CDC25B: variants seen among roughly 807,000 people sequenced by gnomAD.
The protein encoded by CDC25B is cell division cycle 25B.
CDC25B carries 33 observed loss-of-function variants against 69.8 expected under a neutral mutation model. That is an observed-to-expected ratio of 0.47 (90% CI 0.36 to 0.63). CDC25B has a LOEUF of 0.63. Ranked by LOEUF, CDC25B falls within the 30% of genes least tolerant of loss-of-function variation. The probability of loss-of-function intolerance (pLI) is 0.00; values close to 1 mark genes in which losing one functional copy is unlikely to be tolerated. For synonymous variants in CDC25B, 341 were observed against 314.6 expected (o/e 1.08, Z -0.89); for missense variants, 727 against 809.1 (o/e 0.90, Z 1.23).
chr20:3,802,312 G>A lies in CDC25B; in HGVS notation c.1130G>A (p.Cys377Tyr), dbSNP rs756139248. ...KARVLRSKSL[C>Y]HDEIENLLDS... ...CGCGTCCTCCGCTCAAAATCACTGT[G>A]TCACGATGAGATCGAGAACCTCCTG... The change falls in exon 11 of 16, where the codon TGT becomes TAT. Residue 377 changes from cysteine to tyrosine, a missense_variant. Cys to Tyr is a radical substitution (Grantham distance 194). Around this residue, in one of 2 missense-constraint regions of CDC25B, gnomAD observed 359 missense variants for 463.4 expected, o/e 0.77. Transcript: ENST00000245960. The A allele has an allele frequency of 1.2e-6, 2 of 1,610,602 alleles. No homozygotes were observed. Among genetic ancestry groups the A allele is most frequent in the South Asian group, 1.1e-5 (1 of 91,072 alleles).
chr20:3,801,334 G>A lies in CDC25B; in HGVS notation c.786G>A (p.Glu262=). 6.2e-7 allele frequency: 1 copy of A among 1,614,094 alleles called. No homozygotes were observed. The highest frequency in any genetic ancestry group is 1.6e-4 in the Middle Eastern group (1 of 6,062). ...ALGRFSLTPA[E]GDTEEDDGFV... is the part of the protein sequence containing the mutation. ...GTCGCTTCTCTCTGACCCCTGCAGA[G>A]GGGGATACTGAGGAAGATGATGGAT... is the stretch of plus-strand genomic sequence containing the variant. The change falls in exon 8 of 16, where the codon GAG becomes GAA. Residue 262 remains glutamate (E), a synonymous_variant. Transcript: ENST00000245960.
At chr20:3,793,559 T>TG (rs1350594921), upstream of CDC25B, among the ~76,000 whole-genome samples, 29 of 141,880 alleles carry the variant, frequency 2.0e-4, no homozygotes, top group East Asian at 2.8e-3. Context: ...TTTTTTTTTT[T>TG]TTGGTTTTAG....
rs935318533 is a variant in CDC25B at position 3,805,545 on chromosome 20, C to T, written c.*584C>T. The stretch of plus-strand genomic sequence containing the variant: ...CTTACTCTTTCCTATTTCAGTGTTA[C>T]CTGTGTGCTTGGTCTGTTTGACTTT... On this transcript the variant is annotated 3_prime_UTR_variant, in exon 16 of 16. Coordinates refer to ENST00000245960, the MANE Select transcript of CDC25B (RefSeq NM_021873.4). 1.3e-5 allele frequency: 5 copies of T among 385,250 alleles called. No homozygotes were observed. Among genetic ancestry groups the T allele is most frequent in the Non-Finnish European group, 2.3e-5 (5 of 218,124 alleles). The allele number at this position is 385,250 out of a possible 1,614,324, so 23.9% of individuals were successfully genotyped here.
chr20:3,800,379 A>G (rs1336510950), intron 4 of CDC25B, 50 bp downstream of exon 4: 3 of 1,612,612 alleles, frequency 1.9e-6, no homozygotes, highest in Admixed American at 3.3e-5. Context: ...CCCTTAGGAC[A>G]GGGCTCCAGA....
chr20:3,787,058 A>G (rs1568496541), exon 1 of CDC25B: 1 of 609,508 alleles, frequency 1.6e-6, no homozygotes, highest in Admixed American at 3.2e-5. Context: ...TAAGGTAAAA[A>G]TAACGCACTT....
chr20:3,791,107 C>T lies in CDC25B; in HGVS notation c.8+3968C>T, dbSNP rs541131379. On this transcript the variant is annotated intron_variant, in intron 1 of 15. Transcript: ENST00000344256. ...CCAAGCAGGCATCCCCACCTGACTG[C>T]CCGTTCTCCTTAAAGGTTGCATGTA... is the stretch of plus-strand genomic sequence containing the variant. 8.5e-5 allele frequency among the ~76,000 whole-genome samples: 13 copies of T among 152,324 alleles called. No homozygotes were observed. In the South Asian group the frequency reaches 2.1e-3, roughly 24 times the overall value.
chr20:3,790,407 C>G (rs1201162675), intron 1 of CDC25B, among the ~76,000 whole-genome samples: 2 of 125,610 alleles, frequency 1.6e-5, no homozygotes, highest in African/African-American at 3.0e-5. Flanking sequence ...GAGACCAAGT[C>G]TCACTCTGTC....
At chr20:3,793,881 GAA>G (rs1390983947), upstream of CDC25B, among the ~76,000 whole-genome samples, 1 of 150,958 alleles carries the variant, frequency 6.6e-6, no homozygotes, top group Non-Finnish European at 1.5e-5. Context: ...AGTTTACTGA[GAA>G]TGATTATTTC....
rs6107348 is a variant in CDC25B at position 3,802,597 on chromosome 20, C to T, written c.1194+221C>T. 9.3e-3 allele frequency: 5,584 copies of T among 599,922 alleles called. 223 individuals are homozygous for T. Among genetic ancestry groups the T allele is most frequent in the African/African-American group, 0.085 (4,609 of 53,932 alleles). The allele number at this position is 599,922 out of a possible 1,614,324, so 37.2% of individuals were successfully genotyped here. A position where few individuals can be genotyped will look rare whatever the true frequency, so the allele number is the denominator to read the frequency against. ...TCAGTCCAGGCATCTGTTGAGTCTC[C>T]GTCTTATTTCCAAGCTCATACCTAG... On this transcript the variant is annotated intron_variant, in intron 11 of 15. Coordinates refer to ENST00000245960, the MANE Select transcript of CDC25B (RefSeq NM_021873.4).
In CDC25B at chr20:3,805,159, C is replaced by T. The variant is rs1045899901; in HGVS notation, c.*198C>T. ...ATTTTCCATATCCTGGTGCCCCCCA[C>T]CCCTGGAAGAGCCCAGTCTGTTGAG... On this transcript the variant is annotated 3_prime_UTR_variant, in exon 16 of 16. Coordinates refer to ENST00000245960, the MANE Select transcript of CDC25B (RefSeq NM_021873.4). 1.8e-5 allele frequency: 11 copies of T among 608,514 alleles called. No homozygotes were observed. Among genetic ancestry groups the T allele is most frequent in the African/African-American group, 3.7e-5 (2 of 54,050 alleles). 37.7% of individuals were successfully genotyped at this position (608,514 alleles called of 1,614,324 possible).
rs2089446897 is a variant in CDC25B, at chr20:3,805,502, C to A, written c.*541C>A. ...TTCCTGTCCCACCATACGAGCACCT[C>A]CAGCCTGAACAGAAGCTCTTACTCT... is the stretch of plus-strand genomic sequence containing the variant. On this transcript the variant is annotated 3_prime_UTR_variant, in exon 16 of 16. Transcript: ENST00000245960. 2.9e-6 allele frequency: 1 copy of A among 340,310 alleles called. No homozygotes were observed. The highest frequency in any genetic ancestry group is 2.1e-5 in the African/African-American group (1 of 47,376). 21.1% of individuals were successfully genotyped at this position (340,310 alleles called of 1,614,324 possible). A position where few individuals can be genotyped will look rare whatever the true frequency, so the allele number is the denominator to read the frequency against.
chr20:3,796,970 A>G (rs2089079393), intron 1 of CDC25B, among the ~76,000 whole-genome samples: 1 of 151,802 alleles, frequency 6.6e-6, no homozygotes, highest in South Asian at 2.1e-4. Flanking sequence ...GCCTCTCCAA[A>G]TCTTCTTTCC....
upstream of CDC25B, among the ~76,000 whole-genome samples, chr20:3,793,511 C>G (rs959443106): frequency 2.0e-5 from 3 of 151,354 alleles, no homozygotes; most frequent in South Asian, 2.1e-4. Context: ...CACCTCCCCC[C>G]TCACTGGCCC....
upstream of CDC25B, among the ~76,000 whole-genome samples, chr20:3,795,377 C>CAA (rs547156833): frequency 1.6e-5 from 1 of 64,098 alleles, no homozygotes; most frequent in African/African-American, 4.7e-5. Context: ...CAAAACAAAA[C>CAA]AAAAAGAAAG....
upstream of CDC25B, chr20:3,796,186 T>C: frequency 1.7e-6 from 2 of 1,176,000 alleles, no homozygotes; most frequent in South Asian, 2.7e-5. Flanking sequence ...TCCGCGCCTC[T>C]TGCCCTGCGG....
chr20:3,802,125 A>T, intron 10 of CDC25B, 25 bp downstream of exon 10: 1 of 1,541,982 alleles, frequency 6.5e-7, no homozygotes, highest in South Asian at 1.2e-5. Context: ...CCTGGGGTTC[A>T]CTTTGGCATG....
chr20:3,802,687 A>C, intron 11 of CDC25B: 3 of 608,228 alleles, frequency 4.9e-6, no homozygotes, highest in Non-Finnish European at 8.8e-6. Context: ...TGTGGAGTTC[A>C]TCTCTTCCAC....
At chr20:3,787,030 G>GTT (rs747272595) in exon 1 of CDC25B, 562 of 450,334 alleles carry the variant, frequency 1.2e-3, no homozygotes, top group South Asian at 2.8e-3. Flanking sequence ...GTTTTTGTTT[G>GTT]TTTTTTTTTT....
At chr20:3,804,306 C>A (rs1194737966) in intron 14 of CDC25B, among the ~76,000 whole-genome samples, 1 of 152,190 alleles carries the variant, frequency 6.6e-6, no homozygotes, top group Non-Finnish European at 1.5e-5. Context: ...CTGGTCCAGG[C>A]ACAGATATCT....
Sources: gnomAD v4.1 joint callset for allele counts (sites outside exome capture counted in the v4.1 genomes callset) on GRCh38, gnomAD v4.1.1 for gene constraint, gnomAD v4.1.1 regional missense constraint, MANE v1.5 for transcripts, NCBI Gene and HGNC (gene_info 2026-07-23, HGNC 2026-07-21) for gene names.